Variants in PCDHA3 observed in about 807,000 individuals in gnomAD.
PCDHA3 encodes protocadherin alpha 3, also known as protocadherin alpha-3.
A neutral mutation model predicts 62.2 loss-of-function variants in PCDHA3; 41 were observed. That is an observed-to-expected ratio of 0.66 (90% CI 0.51 to 0.86). The LOEUF (loss-of-function observed/expected upper bound fraction) is 0.86, where lower values mean the gene tolerates loss of function less well. Ranked by LOEUF, PCDHA3 falls within the 40% of genes least tolerant of loss-of-function variation. The pLI, the probability that PCDHA3 is intolerant of heterozygous loss-of-function variation, is 0.00. For missense variants in PCDHA3, 1,304 were observed against 1,241.2 expected, an observed-to-expected ratio of 1.05 and a Z score of -0.76; for synonymous variants, 640 against 555.4, an observed-to-expected ratio of 1.15 and a Z score of -2.14.
chr5:140,829,228 A>C (rs1327321608), intron 1 of PCDHA3: 1 of 1,614,122 alleles, frequency 6.2e-7, no homozygotes, highest in East Asian at 2.2e-5. Context: ...ACCTCGATTC[A>C]GGTGCCAACG....
intron 1 of PCDHA3, chr5:140,842,451 T>A: frequency 6.2e-7 from 1 of 1,613,846 alleles, no homozygotes; most frequent in South Asian, 1.1e-5. Context: ...GTGAACGACC[T>A]CGATTCAGGT....
intron 1 of PCDHA3, chr5:140,878,069 T>C: frequency 5.3e-6 from 2 of 379,294 alleles, no homozygotes; most frequent in East Asian, 5.0e-5. Flanking sequence ...ATATTTTTCT[T>C]TTTCTATAAT....
intron 3 of PCDHA3, among the ~76,000 whole-genome samples, chr5:141,008,339 C>T (rs782805145): frequency 1.1e-4 from 16 of 152,176 alleles, no homozygotes; most frequent in Non-Finnish European, 1.5e-4. Context: ...TTTGATGGAG[C>T]TTTTCACGTG....
At chr5:140,883,888 T>C (rs781919107) in intron 1 of PCDHA3, 12 of 1,612,946 alleles carry the variant, frequency 7.4e-6, no homozygotes, top group African/African-American at 5.4e-5. Flanking sequence ...CGCGCGACTC[T>C]GGCGTGCCGC....
intron 1 of PCDHA3, chr5:140,824,619 T>TTG (rs1768249462): frequency 7.7e-6 from 1 of 129,516 alleles, no homozygotes; most frequent in African/African-American, 3.5e-5. Flanking sequence ...AGTTTTTTTT[T>TTG]TTTTTTTTTT....
chr5:140,891,596 A>T (rs191602934), intron 1 of PCDHA3, among the ~76,000 whole-genome samples: 2 of 152,134 alleles, frequency 1.3e-5, no homozygotes, highest in African/African-American at 4.8e-5. Flanking sequence ...ACTCTATCCC[A>T]TCTATTTCTA....
rs1762797239 is a variant in PCDHA3 at position 140,801,838 on chromosome 5, CA to C, written c.643del (p.Ile215LeufsTer14). 1.2e-6 allele frequency: 2 copies of C among 1,613,866 alleles called. No homozygotes were observed. On this transcript the variant is annotated frameshift_variant, in exon 1 of 4. Coordinates refer to ENST00000522353, the MANE Select transcript of PCDHA3 (RefSeq NM_018906.3). LOFTEE classifies it high-confidence loss of function. ...DTPKHYLLITAIDGGKPELTG... is the reference protein window; with the variant it reads ...DTPKHYLLITXIDGGKPELTG... ...CCTAAGCATTATTTACTAATAACAG[CA>C]ATTGATGGTGGGAAACCAGAGCTCA...
rs1475862780 is a variant in PCDHA3 at position 140,982,724 on chromosome 5, G to T, written c.2542+161G>T. On this transcript the variant is annotated intron_variant, in intron 3 of 3. Transcript: ENST00000522353. Reference sequence around the variant, plus strand: ...ATTTCCTTACATATATGATTATTTTGATTTTATACCTAATGCTCTTCAGGA... The same window carrying T: ...ATTTCCTTACATATATGATTATTTTTATTTTATACCTAATGCTCTTCAGGA... 5.5e-6 allele frequency: 5 copies of T among 906,286 alleles called. No homozygotes were observed. The African/African-American group carries it at 9.0e-5, about 16-fold the overall frequency. The allele number at this position is 906,286 out of a possible 1,614,324, so 56.1% of individuals were successfully genotyped here.
chr5:140,982,461 G>C lies in PCDHA3; in HGVS notation c.2454-14G>C, dbSNP rs765899879. Reference sequence around the variant, plus strand: ...TATGATCTAACCGTTATCTGGGTCTGTGTGTTTATTCAGCTCTGTGCACCT... The same window carrying C: ...TATGATCTAACCGTTATCTGGGTCTCTGTGTTTATTCAGCTCTGTGCACCT... On this transcript the variant is annotated splice_polypyrimidine_tract_variant and intron_variant, in intron 2 of 3. Coordinates refer to ENST00000522353, the MANE Select transcript of PCDHA3 (RefSeq NM_018906.3). 4.3e-6 allele frequency: 7 copies of C among 1,613,970 alleles called. No homozygotes were observed. The Admixed American group carries it at 6.7e-5, about 15-fold the overall frequency.
chr5:140,821,607 G>A, intron 1 of PCDHA3: 1 of 768,480 alleles, frequency 1.3e-6, no homozygotes, highest in Non-Finnish European at 2.0e-6. Context: ...AAGGAATACA[G>A]TGAGTAGATT....
At chr5:140,973,442 A>G (rs1230315099) in intron 1 of PCDHA3, among the ~76,000 whole-genome samples, 4 of 152,274 alleles carry the variant, frequency 2.6e-5, no homozygotes, top group Non-Finnish European at 5.9e-5. Context: ...TGGTCACTTT[A>G]TAATGACTGG....
intron 1 of PCDHA3, chr5:140,927,852 A>C: frequency 6.2e-7 from 1 of 1,614,218 alleles, no homozygotes; most frequent in Non-Finnish European, 8.5e-7. Flanking sequence ...TCTTTGGTTT[A>C]GCTAGCACCG....
intron 1 of PCDHA3, among the ~76,000 whole-genome samples, chr5:140,888,214 G>GTGTGTGTGCA (rs1387597541): frequency 6.6e-6 from 1 of 152,130 alleles, no homozygotes; most frequent in Admixed American, 6.5e-5. Context: ...TGGATTTTGT[G>GTGTGTGTGCA]TGTGTGTGCA....
rs2150422105 is a variant in PCDHA3 at position 140,848,832 on chromosome 5, C to G, written c.2394+45241C>G. On this transcript the variant is annotated intron_variant, in intron 1 of 3. Transcript: ENST00000522353. ...CCACCTGGAGGTGATCGTAGACAGG[C>G]CGCTGCAGGTTTTCCATGTGGACGT... is the stretch of plus-strand genomic sequence containing the variant. 3.8e-6 allele frequency: 6 copies of G among 1,590,118 alleles called. 1 individual carries two copies. Among genetic ancestry groups the G allele is most frequent in the Non-Finnish European group, 5.2e-6 (6 of 1,161,950 alleles).
At chr5:140,938,618 C>A (rs925273700) in intron 1 of PCDHA3, among the ~76,000 whole-genome samples, 1 of 152,138 alleles carries the variant, frequency 6.6e-6, no homozygotes, top group East Asian at 1.9e-4. Flanking sequence ...TTGGAATAAA[C>A]TCAGGTTGCT....
chr5:140,939,789 A>G (rs1259994967), intron 1 of PCDHA3, among the ~76,000 whole-genome samples: 1 of 152,246 alleles, frequency 6.6e-6, no homozygotes, highest in Non-Finnish European at 1.5e-5. Context: ...GTCAATTTCT[A>G]TAAATGTTCT....
At chr5:140,972,612 C>T (rs1554234244) in intron 1 of PCDHA3, among the ~76,000 whole-genome samples, 2 of 151,080 alleles carry the variant, frequency 1.3e-5, no homozygotes, top group African/African-American at 4.9e-5. Context: ...GAACTTGATA[C>T]TGAATGTTGT....
Position 141,010,331 on chromosome 5 carries a change from T to C in PCDHA3, c.*394T>C. 6.5e-7 allele frequency: 1 copy of C among 1,537,904 alleles called. No homozygotes were observed. Among genetic ancestry groups the C allele is most frequent in the Non-Finnish European group, 8.8e-7 (1 of 1,142,160 alleles). On this transcript the variant is annotated 3_prime_UTR_variant, in exon 4 of 4. Transcript: ENST00000522353. The stretch of plus-strand genomic sequence containing the variant: ...TTTTGAGATTGAGCAGCTTGGGAGT[T>C]TGTGGCCACTGGGTATGTGTGGCTA...
chr5:140,856,580 G>A lies in PCDHA3; in HGVS notation c.2394+52989G>A, dbSNP rs537848812. 23 of 1,597,760 alleles carry A rather than the reference G, an allele frequency of 1.4e-5. 2 individuals carry two copies. In the South Asian group the frequency reaches 2.5e-4, roughly 18 times the overall value. On this transcript the variant is annotated intron_variant, in intron 1 of 3. Coordinates refer to ENST00000522353, the MANE Select transcript of PCDHA3 (RefSeq NM_018906.3). ...CAAACTCAGTCCAAATGAGTATTTT[G>A]TTCTTGATATTATAAACAAAAAAGA...
Sources: allele counts gnomAD v4.1 joint callset (sites outside exome capture counted in the v4.1 genomes callset), GRCh38; gene constraint gnomAD v4.1.1; transcripts MANE v1.5; gene names NCBI Gene and HGNC (gene_info 2026-07-23, HGNC 2026-07-21).